Variants in TMPO observed in about 807,000 individuals in gnomAD.
TMPO encodes the protein LEM domain containing 4.
Under a neutral mutation model 45.4 loss-of-function variants are expected in TMPO, and 22 were observed. The observed-to-expected ratio is 0.48, with a 90% CI of 0.35 to 0.69. The LOEUF (loss-of-function observed/expected upper bound fraction) is 0.69. Ranked by LOEUF, TMPO falls within the 30% of genes least tolerant of loss-of-function variation. TMPO has a pLI of 0.01. For synonymous variants in TMPO, 241 were observed against 204.1 expected, an observed-to-expected ratio of 1.18 and a Z score of -1.54; for missense variants, 512 against 548.8, an observed-to-expected ratio of 0.93 and a Z score of 0.67.
At chr12:98,519,240 G>A (rs945671662) in intron 1 of TMPO, among the ~76,000 whole-genome samples, 18 of 151,876 alleles carry the variant, frequency 1.2e-4, no homozygotes, top group African/African-American at 4.1e-4. Flanking sequence ...CTGAGACGGA[G>A]TCTCCATTGC....
chr12:98,526,962 A>G (rs1043538585), intron 1 of TMPO, among the ~76,000 whole-genome samples: 36 of 152,132 alleles, frequency 2.4e-4, no homozygotes, highest in Non-Finnish European at 4.1e-4. Context: ...ACCTCCAAAA[A>G]AAAAAGAAAA....
In TMPO at chr12:98,515,735, G is replaced by A. The variant is rs1186404588; in HGVS notation, c.-133G>A. The A allele has an allele frequency of 6.6e-7, 1 of 1,526,292 alleles. No individual in the cohort carries two copies. The highest frequency in any genetic ancestry group is 8.8e-7 in the Non-Finnish European group (1 of 1,135,502). The allele number at this position is 1,526,292 out of a possible 1,614,324, so 94.5% of individuals were successfully genotyped here. On this transcript the variant is annotated 5_prime_UTR_variant, in exon 1 of 9. Transcript: ENST00000556029. ...CTTTGTGTCCGCGAGTTTTTGTTCC[G>A]CTCCGCAGCGCTCTTCCCGGGCAGG...
intron 1 of TMPO, among the ~76,000 whole-genome samples, chr12:98,523,795 C>T (rs1430057241): frequency 6.6e-6 from 1 of 152,154 alleles, no homozygotes; most frequent in Non-Finnish European, 1.5e-5. Flanking sequence ...CCAGCCTCAG[C>T]CTGCCGAGTA....
intron 1 of TMPO, among the ~76,000 whole-genome samples, chr12:98,517,508 T>C (rs182165022): frequency 6.6e-6 from 1 of 152,354 alleles, no homozygotes; most frequent in East Asian, 1.9e-4. Flanking sequence ...AATTATTCCT[T>C]CCTTCAAATT....
At chr12:98,516,584 C>T (rs1002808073) in intron 1 of TMPO, 1 of 985,948 alleles carries the variant, frequency 1.0e-6, no homozygotes, top group Non-Finnish European at 1.2e-6. Context: ...AGAGCGCTCC[C>T]TGGAGGGCAA....
In TMPO at chr12:98,549,969, T is replaced by G. The variant is rs1425176838; in HGVS notation, c.*2111T>G. On this transcript the variant is annotated 3_prime_UTR_variant, in exon 9 of 9. Coordinates refer to ENST00000556029, the MANE Select transcript of TMPO (RefSeq NM_001032283.3). Reference sequence around the variant, plus strand: ...TAGAGGGGGCACCTTTTACTCAACTTTTCTTTGTTTTGAAACTTTGTTTCC... The same window carrying G: ...TAGAGGGGGCACCTTTTACTCAACTGTTCTTTGTTTTGAAACTTTGTTTCC... The G allele has an allele frequency of 1.3e-5, 2 of 152,180 alleles. No homozygotes were observed. The highest frequency in any genetic ancestry group is 1.3e-4 in the Admixed American group (2 of 15,276). 9.4% of individuals were successfully genotyped at this position (152,180 alleles called of 1,614,324 possible).
chr12:98,520,801 TG>T (rs964326607), intron 1 of TMPO, among the ~76,000 whole-genome samples: 1 of 151,688 alleles, frequency 6.6e-6, no homozygotes, highest in African/African-American at 2.4e-5. Context: ...CTCTATCTCC[TG>T]ATCTGGTGAT....
intron 8 of TMPO, among the ~76,000 whole-genome samples, chr12:98,546,818 T>A (rs1443272290): frequency 6.6e-6 from 1 of 152,186 alleles, no homozygotes; most frequent in Non-Finnish European, 1.5e-5. Flanking sequence ...AATAAATCAC[T>A]TACTTACTAC....
At position 98,516,537 on chromosome 12, in the gene TMPO, C is replaced by G. The variant is rs561136821; in HGVS notation, c.279+391C>G. On this transcript the variant is annotated intron_variant, in intron 1 of 8. Coordinates refer to ENST00000556029, the MANE Select transcript of TMPO (RefSeq NM_001032283.3). ...CTATAGGTTAAGTTCGAGCGTTTTC[C>G]CGCTTTATTAACTGAAATGACTCGC... 4.1e-4 allele frequency: 423 copies of G among 1,033,584 alleles called. 1 individual carries two copies. The African/African-American group carries it at 6.6e-3, about 16-fold the overall frequency. 64.0% of individuals were successfully genotyped at this position (1,033,584 alleles called of 1,614,324 possible). A position where few individuals can be genotyped will look rare whatever the true frequency, so the allele number is the denominator to read the frequency against.
Position 98,515,701 on chromosome 12 carries a change from C to G in TMPO, c.-167C>G. On this transcript the variant is annotated 5_prime_UTR_variant, in exon 1 of 9. Coordinates refer to ENST00000556029, the MANE Select transcript of TMPO (RefSeq NM_001032283.3). ...GCTCTGGGGTCTTTTGTGTCCGGGTCTGGCTTGGCTTTGTGTCCGCGAGTT... is the reference window on the plus strand; with the variant it reads ...GCTCTGGGGTCTTTTGTGTCCGGGTGTGGCTTGGCTTTGTGTCCGCGAGTT... The G allele has an allele frequency of 2.1e-6, 3 of 1,440,888 alleles. No individual in the cohort carries two copies. The highest frequency in any genetic ancestry group is 2.8e-6 in the Non-Finnish European group (3 of 1,074,948). The allele number at this position is 1,440,888 out of a possible 1,614,324, so 89.3% of individuals were successfully genotyped here. A position where few individuals can be genotyped will look rare whatever the true frequency, so the allele number is the denominator to read the frequency against.
At chr12:98,517,012 A>T (rs1277263068) in intron 1 of TMPO, among the ~76,000 whole-genome samples, 2 of 152,064 alleles carry the variant, frequency 1.3e-5, no homozygotes, top group Non-Finnish European at 2.9e-5. Context: ...GGTTTCTCCA[A>T]GTTGGTCAGG....
At chr12:98,523,517 G>A (rs1876534997) in intron 1 of TMPO, among the ~76,000 whole-genome samples, 1 of 151,746 alleles carries the variant, frequency 6.6e-6, no homozygotes, top group South Asian at 2.1e-4. Context: ...ACTCTAGCCT[G>A]GGCAACAGAG....
chr12:98,538,611 C>T (rs1285590710), intron 4 of TMPO, among the ~76,000 whole-genome samples: 1 of 152,024 alleles, frequency 6.6e-6, no homozygotes, highest in African/African-American at 2.4e-5. Flanking sequence ...CATTGGCCTC[C>T]GAAAGTGCTG....
At chr12:98,527,437 C>G (rs766836882) in intron 1 of TMPO, 1 of 152,638 alleles carries the variant, frequency 6.6e-6, no homozygotes, top group African/African-American at 2.5e-5. Flanking sequence ...GTGGGAGGAT[C>G]GCTTCAGCCT....
At chr12:98,519,117 C>T (rs867173768) in intron 1 of TMPO, among the ~76,000 whole-genome samples, 11 of 152,096 alleles carry the variant, frequency 7.2e-5, no homozygotes, top group African/African-American at 2.4e-4. Context: ...CTCCTGACCT[C>T]GTGATCCTCC....
At chr12:98,539,237 G>T (rs1337367780) in intron 4 of TMPO, among the ~76,000 whole-genome samples, 1 of 147,372 alleles carries the variant, frequency 6.8e-6, no homozygotes, top group Non-Finnish European at 1.5e-5. Flanking sequence ...AATAAAGATG[G>T]TCTAAGGGAT....
At chr12:98,541,225 C>T (rs1005445429) in intron 4 of TMPO, among the ~76,000 whole-genome samples, 59 of 152,112 alleles carry the variant, frequency 3.9e-4, no homozygotes, top group African/African-American at 1.4e-3. Context: ...TCTAAGGAAC[C>T]GTGATCCTTT....
intron 3 of TMPO, chr12:98,533,335 C>CT: frequency 6.2e-7 from 1 of 1,614,196 alleles, no homozygotes; most frequent in Non-Finnish European, 8.5e-7. Context: ...AAGGAAAGCA[C>CT]TAGAAGAGTC....
rs1336802524 is a variant in TMPO at position 98,515,675 on chromosome 12, G to A, written c.-193G>A. ...CTTGGCCGCAGTTGGTTCGTAGTTC[G>A]GCTCTGGGGTCTTTTGTGTCCGGGT... On this transcript the variant is annotated 5_prime_UTR_variant, in exon 1 of 9. Coordinates refer to ENST00000556029, the MANE Select transcript of TMPO (RefSeq NM_001032283.3). 8.2e-7 allele frequency: 1 copy of A among 1,219,642 alleles called. No individual in the cohort carries two copies. Among genetic ancestry groups the A allele is most frequent in the Non-Finnish European group, 1.1e-6 (1 of 889,436 alleles). 75.6% of individuals were successfully genotyped at this position (1,219,642 alleles called of 1,614,324 possible).
Sources: allele counts gnomAD v4.1 joint callset (sites outside exome capture counted in the v4.1 genomes callset), GRCh38; gene constraint gnomAD v4.1.1; transcripts MANE v1.5; gene names NCBI Gene and HGNC (gene_info 2026-07-23, HGNC 2026-07-21).